The following KIF6 variants were observed in gnomAD, a reference collection of about 807,000 sequenced individuals.
KIF6 encodes the protein kinesin-like protein KIF6.
A neutral mutation model predicts 112.7 loss-of-function variants in KIF6; 106 were observed. The ratio of observed to expected loss-of-function variants is 0.94; its 90% CI spans 0.80 to 1.11. The LOEUF is 1.11. Ranked by LOEUF, KIF6 falls within the 50% of genes least tolerant of loss-of-function variation. The pLI is 0.00. For missense variants in KIF6, 929 were observed against 964.0 expected (o/e 0.96, Z 0.48); for synonymous variants, 339 against 339.9 (o/e 1.00, Z 0.03).
chr6:39,371,710 A>C (rs1241696245), intron 16 of KIF6, among the ~76,000 whole-genome samples: 2 of 152,046 alleles, frequency 1.3e-5, no homozygotes, highest in African/African-American at 4.8e-5. Flanking sequence ...TCTCTTCACA[A>C]CGTCTCATCT....
chr6:39,341,235 T>C (rs922414128), intron 22 of KIF6, among the ~76,000 whole-genome samples: 3 of 152,154 alleles, frequency 2.0e-5, no homozygotes, highest in African/African-American at 7.2e-5. Context: ...GGCTAAATGG[T>C]GCTTGTCCAT....
At chr6:39,653,259 T>A (rs1785580019) in intron 3 of KIF6, among the ~76,000 whole-genome samples, 1 of 152,148 alleles carries the variant, frequency 6.6e-6, no homozygotes, top group African/African-American at 2.4e-5. Flanking sequence ...TGCAAAGTAC[T>A]GTTTTATAAC....
intron 3 of KIF6, among the ~76,000 whole-genome samples, chr6:39,711,277 T>TAAAAA (rs34784345): frequency 1.4e-5 from 1 of 72,876 alleles, no homozygotes; most frequent in Non-Finnish European, 2.7e-5. Context: ...ACCTGGAAAG[T>TAAAAA]AAAAAAAAAA....
At chr6:39,408,674 G>A (rs1210501461) in intron 15 of KIF6, among the ~76,000 whole-genome samples, 2 of 151,990 alleles carry the variant, frequency 1.3e-5, no homozygotes, top group Non-Finnish European at 2.9e-5. Context: ...CACAGAAGAG[G>A]ATGGAAGGAG....
chr6:39,414,443 C>T (rs553043000), intron 15 of KIF6, among the ~76,000 whole-genome samples: 5 of 152,306 alleles, frequency 3.3e-5, no homozygotes, highest in Non-Finnish European at 7.4e-5. Flanking sequence ...AATCCTACCA[C>T]GGCTGCTGCA....
intron 5 of KIF6, among the ~76,000 whole-genome samples, chr6:39,622,283 T>C (rs553701000): frequency 1.3e-5 from 2 of 152,258 alleles, no homozygotes; most frequent in East Asian, 3.9e-4. Context: ...GCTCTTTATA[T>C]ATAAAATATT....
chr6:39,590,407 A>G (rs1338044357), intron 7 of KIF6, among the ~76,000 whole-genome samples: 1 of 143,006 alleles, frequency 7.0e-6, no homozygotes, highest in African/African-American at 2.6e-5. Flanking sequence ...TGATATATAT[A>G]TATGTGTGTG....
intron 13 of KIF6, among the ~76,000 whole-genome samples, chr6:39,484,855 A>G (rs1775025555): frequency 6.6e-6 from 1 of 152,114 alleles, no homozygotes; most frequent in Non-Finnish European, 1.5e-5. Context: ...GGAAGCTTGC[A>G]TCTGTGACTA....
At chr6:39,619,639 C>T (rs1783708197) in intron 5 of KIF6, among the ~76,000 whole-genome samples, 1 of 152,136 alleles carries the variant, frequency 6.6e-6, no homozygotes, top group Non-Finnish European at 1.5e-5. Context: ...CAGGACATAA[C>T]TGGAAGCTGT....
chr6:39,557,632 T>C (rs1779776037), intron 10 of KIF6, among the ~76,000 whole-genome samples: 1 of 151,908 alleles, frequency 6.6e-6, no homozygotes, highest in African/African-American at 2.4e-5. Flanking sequence ...CAGAAAAAAA[T>C]ACATATACAG....
intron 22 of KIF6, among the ~76,000 whole-genome samples, chr6:39,338,379 T>C (rs1283598355): frequency 6.6e-6 from 1 of 152,250 alleles, no homozygotes; most frequent in East Asian, 1.9e-4. Context: ...AGATTGGAAA[T>C]AATTCACGGC....
intron 5 of KIF6, chr6:39,617,646 A>C (rs1783592072): frequency 2.2e-6 from 1 of 449,628 alleles, no homozygotes; most frequent in South Asian, 1.6e-5. Context: ...GGCAATGAAG[A>C]GCCTCCTAAC....
chr6:39,496,731 A>T (rs1422430974), intron 13 of KIF6, among the ~76,000 whole-genome samples: 1 of 152,220 alleles, frequency 6.6e-6, no homozygotes, highest in Non-Finnish European at 1.5e-5. Flanking sequence ...ACATCAAACC[A>T]GGGATGATGA....
chr6:39,354,681 C>T (rs1314334385), intron 19 of KIF6, among the ~76,000 whole-genome samples: 1 of 152,146 alleles, frequency 6.6e-6, no homozygotes, highest in Non-Finnish European at 1.5e-5. Context: ...ATTGGGAAAG[C>T]CCTTGAGAGA....
intron 13 of KIF6, among the ~76,000 whole-genome samples, chr6:39,476,571 C>T (rs1366395142): frequency 6.6e-6 from 1 of 152,100 alleles, no homozygotes; most frequent in Non-Finnish European, 1.5e-5. Flanking sequence ...CTAGAAGTAG[C>T]CTGAGGAACC....
intron 15 of KIF6, among the ~76,000 whole-genome samples, chr6:39,404,957 T>G (rs1236575193): frequency 6.6e-6 from 1 of 150,888 alleles, no homozygotes; most frequent in Non-Finnish European, 1.5e-5. Flanking sequence ...ATATTAGCAT[T>G]TAATATATAT....
At chr6:39,559,753 C>T (rs1582134686) in intron 10 of KIF6, among the ~76,000 whole-genome samples, 1 of 151,778 alleles carries the variant, frequency 6.6e-6, no homozygotes, top group Middle Eastern at 3.4e-3. Flanking sequence ...GAATAAAACA[C>T]ATCCAAGTCT....
chr6:39,460,536 T>TAAAAAAAAAAAAAAAAAAAAAAAAG (rs1773409183), intron 13 of KIF6, among the ~76,000 whole-genome samples: 9 of 57,072 alleles, frequency 1.6e-4, no homozygotes, highest in Admixed American at 2.2e-4. Flanking sequence ...AAAAAAAAAG[T>TAAAAAAAAAAAAAAAAAAAAAAAAG]AAAAAAAAAA....
At chr6:39,626,195 T>C (rs576123176) in intron 5 of KIF6, among the ~76,000 whole-genome samples, 2 of 152,282 alleles carry the variant, frequency 1.3e-5, no homozygotes, top group South Asian at 4.1e-4. Flanking sequence ...TCACTTACTA[T>C]GCACAACTGA....
Sources: allele counts gnomAD v4.1 joint callset (sites outside exome capture counted in the v4.1 genomes callset), GRCh38; gene constraint gnomAD v4.1.1; transcripts MANE v1.5; gene names NCBI Gene and HGNC (gene_info 2026-07-23, HGNC 2026-07-21).